RNF150: variants seen among roughly 807,000 people sequenced by gnomAD.
RNF150 encodes the protein ring finger protein 150.
A neutral mutation model predicts 39.3 loss-of-function variants in RNF150; 24 were observed. That is an observed-to-expected ratio of 0.61 (90% CI 0.44 to 0.86). The LOEUF is 0.86. RNF150 is among the 40% of genes least tolerant of loss of function. The pLI is 0.00. For missense variants in RNF150, 502 were observed against 587.8 expected, an observed-to-expected ratio of 0.85 and a Z score of 1.51; for synonymous variants, 255 against 227.3, an observed-to-expected ratio of 1.12 and a Z score of -1.10.
At chr4:141,064,183 G>T (rs1251083903) in intron 1 of RNF150, among the ~76,000 whole-genome samples, 1 of 152,090 alleles carries the variant, frequency 6.6e-6, no homozygotes, top group African/African-American at 2.4e-5. Flanking sequence ...ACAACCTTAT[G>T]AATTAAGTGC....
intron 6 of RNF150, among the ~76,000 whole-genome samples, chr4:140,906,940 A>AGGTC (rs1730401185): frequency 6.6e-6 from 1 of 152,138 alleles, no homozygotes; most frequent in South Asian, 2.1e-4. Context: ...AATCTCCTTG[A>AGGTC]AAAATCACAG....
chr4:141,154,480 T>C (rs1578770095), intron 1 of RNF150, among the ~76,000 whole-genome samples: 1 of 152,218 alleles, frequency 6.6e-6, no homozygotes, highest in South Asian at 2.1e-4. Flanking sequence ...TTTGGATCAG[T>C]GGGCTAAATG....
chr4:141,082,337 C>T (rs1270287228), intron 1 of RNF150, among the ~76,000 whole-genome samples: 9 of 152,164 alleles, frequency 5.9e-5, no homozygotes, highest in Admixed American at 3.9e-4. Flanking sequence ...GAAACAACAA[C>T]GTAATTTTGA....
At chr4:140,902,044 A>C (rs1730206999) in intron 6 of RNF150, among the ~76,000 whole-genome samples, 1 of 152,186 alleles carries the variant, frequency 6.6e-6, no homozygotes, top group South Asian at 2.1e-4. Context: ...TAGATAATAA[A>C]AATGTTTGGA....
intron 1 of RNF150, among the ~76,000 whole-genome samples, chr4:141,107,393 A>G (rs1240315904): frequency 2.0e-5 from 3 of 152,220 alleles, no homozygotes; most frequent in Admixed American, 6.5e-5. Context: ...TTTTACATAC[A>G]CGGAAACAGA....
intron 4 of RNF150, among the ~76,000 whole-genome samples, chr4:140,935,806 A>G (rs1382718071): frequency 6.6e-6 from 1 of 152,198 alleles, no homozygotes; most frequent in Non-Finnish European, 1.5e-5. Flanking sequence ...ATGAAGGTAT[A>G]ATGTACCACA....
intron 1 of RNF150, among the ~76,000 whole-genome samples, chr4:141,087,243 T>A (rs1398837264): frequency 2.6e-5 from 4 of 152,200 alleles, no homozygotes; most frequent in African/African-American, 9.7e-5. Context: ...AGTATTTAGT[T>A]TTCTGTTCCT....
At chr4:141,140,563 G>A (rs895672584) in intron 1 of RNF150, among the ~76,000 whole-genome samples, 11 of 150,942 alleles carry the variant, frequency 7.3e-5, no homozygotes, top group African/African-American at 2.7e-4. Flanking sequence ...ACTTTTCATT[G>A]AGTACATTTT....
intron 6 of RNF150, among the ~76,000 whole-genome samples, chr4:140,884,456 A>G (rs1230909114): frequency 6.6e-6 from 1 of 152,214 alleles, no homozygotes; most frequent in Non-Finnish European, 1.5e-5. Context: ...TAGTTCGCCA[A>G]CCAGCCCAGC....
At chr4:140,918,009 A>G (rs1260459722) in intron 5 of RNF150, among the ~76,000 whole-genome samples, 1 of 151,970 alleles carries the variant, frequency 6.6e-6, no homozygotes, top group Non-Finnish European at 1.5e-5. Flanking sequence ...CAAAGACACA[A>G]CATACCAGAA....
At chr4:140,876,933 A>T (rs762815968) in intron 6 of RNF150, among the ~76,000 whole-genome samples, 7 of 152,244 alleles carry the variant, frequency 4.6e-5, no homozygotes, top group Non-Finnish European at 2.9e-5. Context: ...TTGCAAATAT[A>T]TACATCTTGC....
intron 1 of RNF150, among the ~76,000 whole-genome samples, chr4:141,099,444 G>A (rs111477113): frequency 0.014 from 2,074 of 152,284 alleles, 23 homozygotes; most frequent in Middle Eastern, 0.034. Context: ...ACAGGGAGGA[G>A]AGAGAAGCTG....
intron 2 of RNF150, among the ~76,000 whole-genome samples, chr4:140,962,073 C>CT (rs142110022): frequency 5.3e-5 from 8 of 150,332 alleles, no homozygotes; most frequent in African/African-American, 1.5e-4. Flanking sequence ...TCTTCTCTCT[C>CT]TCTCTCTACT....
intron 6 of RNF150, among the ~76,000 whole-genome samples, chr4:140,878,067 T>C (rs1729226116): frequency 1.3e-5 from 2 of 152,188 alleles, no homozygotes; most frequent in Middle Eastern, 6.8e-3. Flanking sequence ...ATTCTCTATA[T>C]CCCCATCAAC....
In RNF150 at chr4:141,044,798, C is replaced by CA. The variant is rs138818390; in HGVS notation, c.485-76926dup. Among the ~76,000 whole-genome samples, 1,096 of 143,146 alleles carry CA rather than the reference C, an allele frequency of 7.7e-3. 14 individuals carry two copies. The highest frequency in any genetic ancestry group is 0.026 in the African/African-American group (1,023 of 39,786). 93.9% of individuals were successfully genotyped at this position (143,146 alleles called of 152,430 possible). ...ACACACACACGCACACACACACACACAATTCATGTGAGCCTGGGAGGGTCT... is the reference window on the plus strand; with the variant it reads ...ACACACACACGCACACACACACACACAAATTCATGTGAGCCTGGGAGGGTCT... On this transcript the variant is annotated intron_variant, in intron 1 of 6. Transcript: ENST00000515673.
intron 1 of RNF150, among the ~76,000 whole-genome samples, chr4:140,988,583 C>T (rs1035461097): frequency 2.0e-5 from 3 of 152,058 alleles, no homozygotes; most frequent in Non-Finnish European, 4.4e-5. Flanking sequence ...TGGTGTGCTG[C>T]ACTCATTAAC....
chr4:141,102,983 A>C (rs1413990498), intron 1 of RNF150, among the ~76,000 whole-genome samples: 1 of 152,010 alleles, frequency 6.6e-6, no homozygotes, highest in Non-Finnish European at 1.5e-5. Flanking sequence ...ATACTCATGC[A>C]CTTCCATCTG....
At chr4:140,916,949 A>G (rs1359862524) in intron 5 of RNF150, among the ~76,000 whole-genome samples, 1 of 152,212 alleles carries the variant, frequency 6.6e-6, no homozygotes, top group Non-Finnish European at 1.5e-5. Flanking sequence ...ACTAAGCTTC[A>G]TAAGTGAAGG....
chr4:141,102,208 A>G (rs1739036772), intron 1 of RNF150, among the ~76,000 whole-genome samples: 2 of 152,346 alleles, frequency 1.3e-5, no homozygotes, highest in South Asian at 4.1e-4. Context: ...GCATATAAAT[A>G]AAACCACATT....
Sources: gnomAD v4.1 joint callset for allele counts (sites outside exome capture counted in the v4.1 genomes callset) on GRCh38, gnomAD v4.1.1 for gene constraint, MANE v1.5 for transcripts, NCBI Gene and HGNC (gene_info 2026-07-23, HGNC 2026-07-21) for gene names.